PCDH15: variants seen among roughly 807,000 people sequenced by gnomAD.
PCDH15 encodes protocadherin-15.
PCDH15 carries 129 observed loss-of-function variants against 178.5 expected under a neutral mutation model. The ratio of observed to expected loss-of-function variants is 0.72; its 90% CI spans 0.63 to 0.84. The LOEUF (loss-of-function observed/expected upper bound fraction) is 0.84. PCDH15 is among the 40% of genes least tolerant of loss of function. The probability of loss-of-function intolerance (pLI) is 0.00; values close to 1 mark genes in which losing one functional copy is unlikely to be tolerated. For missense variants in PCDH15, 2,230 were observed against 2,099.9 expected, an observed-to-expected ratio of 1.06 and a Z score of -1.21; for synonymous variants, 800 against 732.0, an observed-to-expected ratio of 1.09 and a Z score of -1.50.
chr10:55,269,019 A>G (rs1842371451), intron 1 of PCDH15, among the ~76,000 whole-genome samples: 1 of 152,166 alleles, frequency 6.6e-6, no homozygotes, highest in African/African-American at 2.4e-5. Context: ...CATAAACAGA[A>G]TTAAAAGCAA....
chr10:53,901,767 C>CT (rs2082351022), intron 26 of PCDH15, among the ~76,000 whole-genome samples: 2 of 152,146 alleles, frequency 1.3e-5, no homozygotes, highest in African/African-American at 4.8e-5. Flanking sequence ...ATGCTGCTCA[C>CT]TTAAGAATCC....
chr10:55,221,728 T>C (rs1211299530), intron 1 of PCDH15, among the ~76,000 whole-genome samples: 1 of 152,086 alleles, frequency 6.6e-6, no homozygotes, highest in East Asian at 1.9e-4. Context: ...ACGTCCTCCA[T>C]AGAAGTGTAG....
At chr10:53,838,021 G>A (rs1349428142) in intron 29 of PCDH15, among the ~76,000 whole-genome samples, 1 of 151,492 alleles carries the variant, frequency 6.6e-6, no homozygotes, top group African/African-American at 2.4e-5. Flanking sequence ...CTCTTGCCCA[G>A]GATGGAGTGC....
intron 1 of PCDH15, among the ~76,000 whole-genome samples, chr10:54,729,484 T>C (rs904883372): frequency 7.9e-5 from 12 of 151,700 alleles, no homozygotes; most frequent in Admixed American, 2.0e-4. Flanking sequence ...ATACTAGACA[T>C]TGTCCCTGGC....
At chr10:54,424,243 A>T (rs1357290522) in intron 3 of PCDH15, among the ~76,000 whole-genome samples, 2 of 152,014 alleles carry the variant, frequency 1.3e-5, no homozygotes, top group African/African-American at 4.8e-5. Flanking sequence ...TATGCAGTCA[A>T]CAGACACATG....
At chr10:54,694,331 T>C (rs1438656002) in intron 1 of PCDH15, among the ~76,000 whole-genome samples, 1 of 152,148 alleles carries the variant, frequency 6.6e-6, no homozygotes, top group East Asian at 1.9e-4. Context: ...TCAACTAAAA[T>C]GTCGAGAGAC....
chr10:55,154,416 G>T (rs958826794), intron 2 of PCDH15, among the ~76,000 whole-genome samples: 3 of 152,130 alleles, frequency 2.0e-5, no homozygotes, highest in Admixed American at 6.6e-5. Flanking sequence ...GAGACTACTG[G>T]TACTCTATAG....
At chr10:55,240,714 T>C in intron 1 of PCDH15, among the ~76,000 whole-genome samples, 1 of 152,220 alleles carries the variant, frequency 6.6e-6, no homozygotes, top group South Asian at 2.1e-4. Context: ...CTCTTGCATT[T>C]TTAACATGTA....
chr10:55,073,280 A>T (rs1466959923), intron 2 of PCDH15, among the ~76,000 whole-genome samples: 2 of 152,060 alleles, frequency 1.3e-5, no homozygotes, highest in Non-Finnish European at 2.9e-5. Context: ...AATAAAGGGT[A>T]TTCAATTAGG....
chr10:54,882,717 T>G (rs976920237), intron 3 of PCDH15, among the ~76,000 whole-genome samples: 11 of 152,080 alleles, frequency 7.2e-5, no homozygotes, highest in African/African-American at 2.7e-4. Context: ...AGTTTTCCAT[T>G]TCATTACTTT....
At position 54,756,056 on chromosome 10, in the gene PCDH15, A is replaced by ACACACACAC. The variant is rs1947047019; in HGVS notation, c.-29+44868_-29+44869insGTGTGTGTG. Among the ~76,000 whole-genome samples, 295 of 71,734 alleles carry ACACACACAC rather than the reference A, an allele frequency of 4.1e-3. 2 individuals are homozygous for ACACACACAC. Among genetic ancestry groups the ACACACACAC allele is most frequent in the African/African-American group, 0.012 (284 of 22,748 alleles). The allele number at this position is 71,734 out of a possible 152,430, so 47.1% of individuals were successfully genotyped here. A position where few individuals can be genotyped will look rare whatever the true frequency, so the allele number is the denominator to read the frequency against. ...TGGTGAAACCCCCGTCTCTACTAAA[A>ACACACACAC]ACACACACACACACACACACACACA... On this transcript the variant is annotated intron_variant, in intron 1 of 37. Transcript: ENST00000644397.
chr10:54,291,232 T>C (rs543964575), intron 8 of PCDH15, among the ~76,000 whole-genome samples: 3 of 152,124 alleles, frequency 2.0e-5, no homozygotes, highest in African/African-American at 4.8e-5. Flanking sequence ...ACTGGGTAAA[T>C]AACAAAATGA....
intron 1 of PCDH15, among the ~76,000 whole-genome samples, chr10:55,175,570 G>A (rs1291361926): frequency 4.0e-5 from 6 of 149,814 alleles, no homozygotes; most frequent in East Asian, 3.9e-4. Flanking sequence ...GGTGGCTGGC[G>A]CAAGAGAATC....
rs1246690150 is a variant in PCDH15, at chr10:54,086,681, A to C, written c.1997+3303T>G. ...GGTGGAAACAAAGTGACCATAGGAT[A>C]GAAGGCAAAGGGCCCAGTGTACAGG... On this transcript the variant is annotated intron_variant, in intron 16 of 37. Transcript: ENST00000644397. Among the ~76,000 whole-genome samples, 15 of 152,184 alleles carry C rather than the reference A, an allele frequency of 9.9e-5. No homozygotes were observed. In the South Asian group the frequency reaches 2.7e-3, roughly 27 times the overall value.
chr10:55,343,541 C>T (rs11004820), intron 2 of PCDH15, among the ~76,000 whole-genome samples: 2 of 151,580 alleles, frequency 1.3e-5, no homozygotes, highest in Admixed American at 6.6e-5. Flanking sequence ...TCTTCCTTTT[C>T]CCCCCCAATA....
chr10:54,641,721 A>G (rs1339650164), intron 2 of PCDH15, among the ~76,000 whole-genome samples: 3 of 104,724 alleles, frequency 2.9e-5, no homozygotes, highest in Non-Finnish European at 8.2e-5. Context: ...CCGTTGGACT[A>G]TATTGCTAAC....
At chr10:54,785,997 T>G (rs570175413) in intron 1 of PCDH15, among the ~76,000 whole-genome samples, 1 of 151,986 alleles carries the variant, frequency 6.6e-6, no homozygotes, top group Admixed American at 6.6e-5. Context: ...GGATTCTACA[T>G]TTTTTCATTC....
intron 1 of PCDH15, among the ~76,000 whole-genome samples, chr10:55,224,766 C>T (rs933453918): frequency 5.3e-5 from 8 of 152,068 alleles, no homozygotes; most frequent in Non-Finnish European, 1.2e-4. Flanking sequence ...ACAGGGCTTG[C>T]GTGATATAAC....
Position 54,853,632 on chromosome 10 carries a change from G to GA in PCDH15, c.-29+43817dup, listed in dbSNP as rs930548585. Among the ~76,000 whole-genome samples the GA allele has an allele frequency of 3.0e-4, 42 of 142,072 alleles. 1 individual carries two copies. The highest frequency in any genetic ancestry group is 2.3e-3 in the East Asian group (11 of 4,722). The allele number at this position is 142,072 out of a possible 152,430, so 93.2% of individuals were successfully genotyped here. ...TATTCCTAAAATTAAAAAAGCTCTG[G>GA]AAAAAAAAAGATTTTTTTTTCACTA... is the stretch of plus-strand genomic sequence containing the variant. On this transcript the variant is annotated intron_variant, in intron 3 of 5. Transcript: ENST00000458638.
Sources: gnomAD v4.1 joint callset for allele counts (sites outside exome capture counted in the v4.1 genomes callset) on GRCh38, gnomAD v4.1.1 for gene constraint, MANE v1.5 for transcripts, NCBI Gene and HGNC (gene_info 2026-07-23, HGNC 2026-07-21) for gene names.